PTPRN2: variants seen among roughly 807,000 people sequenced by gnomAD.
PTPRN2 encodes receptor-type tyrosine-protein phosphatase N2.
In PTPRN2, 74 loss-of-function variants were observed where a neutral mutation model predicts 118.8. The observed-to-expected ratio is 0.62, with a 90% confidence interval of 0.52 to 0.76. The LOEUF is 0.76. Ranked by LOEUF, PTPRN2 falls within the 30% of genes least tolerant of loss-of-function variation. The pLI is 0.00. For missense variants in PTPRN2, 1,481 were observed against 1,394.4 expected (o/e 1.06, Z -0.99); for synonymous variants, 641 against 608.0 (o/e 1.05, Z -0.80).
At chr7:157,938,610 C>A (rs569482034) in intron 11 of PTPRN2, among the ~76,000 whole-genome samples, 1 of 152,138 alleles carries the variant, frequency 6.6e-6, no homozygotes, top group Non-Finnish European at 1.5e-5. Context: ...GCACTGAAGA[C>A]CTCAATTTTT....
chr7:158,084,931 CCCT>C (rs1433009776), intron 10 of PTPRN2, among the ~76,000 whole-genome samples: 6 of 141,310 alleles, frequency 4.2e-5, no homozygotes, highest in African/African-American at 7.9e-5. Context: ...CCCATCCACA[CCCT>C]CGACGCCCAT....
At chr7:157,914,542 G>A (rs1015936566) in intron 11 of PTPRN2, among the ~76,000 whole-genome samples, 6 of 152,128 alleles carry the variant, frequency 3.9e-5, no homozygotes, top group Non-Finnish European at 8.8e-5. Context: ...GATGGTGATA[G>A]AGTGTGCCTC....
At chr7:157,645,709 G>A (rs867421823) in intron 14 of PTPRN2, among the ~76,000 whole-genome samples, 6 of 152,152 alleles carry the variant, frequency 3.9e-5, no homozygotes, top group African/African-American at 4.8e-5. Context: ...TGCTGTTTAC[G>A]CACCACATGA....
At chr7:158,430,882 C>G (rs925948057) in intron 2 of PTPRN2, among the ~76,000 whole-genome samples, 1 of 152,182 alleles carries the variant, frequency 6.6e-6, no homozygotes, top group Non-Finnish European at 1.5e-5. Flanking sequence ...GGTCTCTGGA[C>G]GGAGACCCCC....
chr7:157,571,590 A>G (rs780322437), intron 19 of PTPRN2, 97 bp from the exon 20 acceptor site: 50 of 878,188 alleles, frequency 5.7e-5, no homozygotes, highest in Non-Finnish European at 8.7e-5. Flanking sequence ...TGTGTGTTTG[A>G]AATCATTTTG....
At chr7:157,978,920 C>A (rs1012201246) in intron 11 of PTPRN2, among the ~76,000 whole-genome samples, 1 of 152,062 alleles carries the variant, frequency 6.6e-6, no homozygotes, top group Non-Finnish European at 1.5e-5. Context: ...TGGCGACTCA[C>A]AAGGCTGGAT....
chr7:158,489,787 T>C lies in PTPRN2; in HGVS notation c.113-2A>G, dbSNP rs778820699. 2 of 1,574,490 alleles carry C rather than the reference T, an allele frequency of 1.3e-6. No individual in the cohort carries two copies. Among genetic ancestry groups the C allele is most frequent in the Non-Finnish European group, 1.7e-6 (2 of 1,160,768 alleles). ...AGAGGCCCTCCTCGAGCAGGCAGCC[T>C]GCGGGGAAACAGAGAAGAGACGCGG... is the stretch of plus-strand genomic sequence containing the variant. On this transcript the variant is annotated splice_acceptor_variant, in intron 1 of 22. Coordinates refer to ENST00000389418, the MANE Select transcript of PTPRN2 (RefSeq NM_002847.5). LOFTEE classifies it high-confidence loss of function.
Position 158,570,534 on chromosome 7 carries a change from C to G in PTPRN2, c.112+17024G>C, listed in dbSNP as rs983034965. 1.8e-4 allele frequency among the ~76,000 whole-genome samples: 27 copies of G among 152,278 alleles called. 1 individual carries two copies. The highest frequency in any genetic ancestry group is 6.3e-4 in the African/African-American group (26 of 41,580). On this transcript the variant is annotated intron_variant, in intron 1 of 22. Transcript: ENST00000389418. The surrounding 1 kb of genome is among the most constrained non-coding windows in gnomAD (Gnocchi z 4.5). ...TCTCCCCGTGGTGGGTCCCGATCCC[C>G]CGGCCGGCTCTGCCACTGAAGCCTC...
chr7:157,755,223 T>C (rs903030260), intron 12 of PTPRN2, among the ~76,000 whole-genome samples: 4 of 152,196 alleles, frequency 2.6e-5, no homozygotes, highest in Admixed American at 6.5e-5. Context: ...TTATGAAAGA[T>C]GTAAATATGT....
chr7:158,003,413 C>CAAAAA lies in PTPRN2; in HGVS notation c.1723+77880_1723+77884dup, dbSNP rs11352464. Among the ~76,000 whole-genome samples the CAAAAA allele has an allele frequency of 1.5e-4, 13 of 87,370 alleles. No homozygotes were observed. The highest frequency in any genetic ancestry group is 5.8e-4 in the African/African-American group (13 of 22,288). 57.3% of individuals were successfully genotyped at this position (87,370 alleles called of 152,430 possible). A position where few individuals can be genotyped will look rare whatever the true frequency, so the allele number is the denominator to read the frequency against. ...TGGGAGACACAGCGAGACTCCGTCT[C>CAAAAA]AAAAAAAAAAAAAAAAAAAAATGAG... is the stretch of plus-strand genomic sequence containing the variant. On this transcript the variant is annotated intron_variant, in intron 11 of 22. Transcript: ENST00000389418. The surrounding 1 kb of genome is among the most constrained non-coding windows in gnomAD (Gnocchi z 5.0).
At position 157,898,715 on chromosome 7, in the gene PTPRN2, C is replaced by A; in HGVS notation, c.1746G>T (p.Glu582Asp). 6.2e-7 allele frequency: 1 copy of A among 1,608,338 alleles called. No homozygotes were observed. The change falls in exon 12 of 23, where the codon GAG becomes GAT. Residue 582 changes from glutamate (E) to aspartate (D), a missense_variant. Physicochemically the swap from Glu to Asp is conservative, Grantham distance 45. This residue lies in a region of PTPRN2 where 1,115 missense variants were observed against 994.2 expected (regional missense o/e 1.12). Transcript: ENST00000389418. ...GAAGAATTTTCAGTCCAGAGGTTTC[C>A]TCCAGTTTGTCTTTGTTGTCAACTG... is the stretch of plus-strand genomic sequence containing the variant. ...KATVDNKDKL[E>D]ETSGLKILQT... is the part of the protein sequence containing the mutation.
intron 9 of PTPRN2, among the ~76,000 whole-genome samples, chr7:158,115,944 A>T (rs1339075339): frequency 1.3e-5 from 2 of 152,174 alleles, no homozygotes; most frequent in Non-Finnish European, 2.9e-5. Context: ...CCTCAGATGG[A>T]ACAGGGAAGG....
At chr7:158,214,824 C>T (rs1004234597) in intron 3 of PTPRN2, among the ~76,000 whole-genome samples, 8 of 152,130 alleles carry the variant, frequency 5.3e-5, no homozygotes, top group Non-Finnish European at 1.2e-4. Flanking sequence ...ATCTAGACTT[C>T]CATCTCCCTG....
intron 12 of PTPRN2, among the ~76,000 whole-genome samples, chr7:157,759,168 C>T (rs1264268084): frequency 1.3e-5 from 2 of 152,266 alleles, no homozygotes; most frequent in African/African-American, 4.8e-5. Flanking sequence ...CTTCCCTCTC[C>T]TGGGAGCATC....
chr7:158,155,550 A>T (rs761507439), intron 6 of PTPRN2, among the ~76,000 whole-genome samples: 47 of 52,406 alleles, frequency 9.0e-4, no homozygotes, highest in Middle Eastern at 9.4e-3. Flanking sequence ...ATCACCATCA[A>T]CACCATCATC....
chr7:157,749,827 C>G (rs1466063854), intron 12 of PTPRN2, among the ~76,000 whole-genome samples: 1 of 143,670 alleles, frequency 7.0e-6, no homozygotes, highest in Non-Finnish European at 1.5e-5. Context: ...GATTTTGAGG[C>G]CTGCGTCCCT....
chr7:157,584,984 G>A (rs994216090), intron 17 of PTPRN2, among the ~76,000 whole-genome samples: 1 of 152,154 alleles, frequency 6.6e-6, no homozygotes, highest in Non-Finnish European at 1.5e-5. Context: ...ATAACCCAAC[G>A]CAGGGTGACA....
chr7:157,724,615 C>T (rs1373744432), intron 12 of PTPRN2, among the ~76,000 whole-genome samples: 1 of 152,222 alleles, frequency 6.6e-6, no homozygotes, highest in African/African-American at 2.4e-5. Flanking sequence ...CCCAGCCTGC[C>T]TTACGTGTGC....
chr7:157,661,019 G>A (rs1007837392), intron 13 of PTPRN2, among the ~76,000 whole-genome samples: 3 of 152,224 alleles, frequency 2.0e-5, no homozygotes, highest in Non-Finnish European at 4.4e-5. Flanking sequence ...CTCGCAAAGT[G>A]TTGGGATTAC....
Sources: gnomAD v4.1 joint callset for allele counts (sites outside exome capture counted in the v4.1 genomes callset) on GRCh38, gnomAD v4.1.1 for gene constraint, gnomAD v4.1.1 regional missense constraint, Gnocchi (gnomAD v3.1) non-coding constraint, MANE v1.5 for transcripts, NCBI Gene and HGNC (gene_info 2026-07-23, HGNC 2026-07-21) for gene names.